The following IL1RAPL1 variants were observed in gnomAD, a reference collection of about 807,000 sequenced individuals.
The protein encoded by IL1RAPL1 is interleukin-1 receptor accessory protein-like 1.
A neutral mutation model predicts 48.4 loss-of-function variants in IL1RAPL1; 3 were observed. The ratio of observed to expected loss-of-function variants is 0.06; its 90% CI spans 0.03 to 0.16. IL1RAPL1 has a LOEUF of 0.16. Ranked by LOEUF, IL1RAPL1 falls within the 10% of genes least tolerant of loss-of-function variation. The pLI is 1.00. For synonymous variants in IL1RAPL1, 185 were observed against 187.7 expected (o/e 0.99, Z 0.12); for missense variants, 349 against 530.6 (o/e 0.66, Z 3.36).
intron 5 of IL1RAPL1, among the ~76,000 whole-genome samples, chrX:29,527,561 G>A (rs1189862884): frequency 9.2e-6 from 1 of 109,287 alleles, no homozygotes; most frequent in Non-Finnish European, 1.9e-5. Flanking sequence ...TCCTGACCTC[G>A]TGATCTGCCC....
At chrX:29,200,286 T>C (rs1342132545) in intron 2 of IL1RAPL1, among the ~76,000 whole-genome samples, 2 of 111,380 alleles carry the variant, frequency 1.8e-5, no homozygotes, top group East Asian at 5.6e-4. Context: ...ATTCAGAGGC[T>C]CTGCATAGCT....
chrX:29,850,738 TTTTA>T (rs1185333128), intron 6 of IL1RAPL1, among the ~76,000 whole-genome samples: 6 of 112,558 alleles, frequency 5.3e-5, no homozygotes, highest in Non-Finnish European at 9.4e-5. Context: ...TTCAGCCAGT[TTTTA>T]TTTTTCAGTC....
At chrX:29,094,081 C>T (rs2147458141) in intron 2 of IL1RAPL1, among the ~76,000 whole-genome samples, 1 of 111,927 alleles carries the variant, frequency 8.9e-6, no homozygotes, top group East Asian at 2.8e-4. Flanking sequence ...TTAATATTCC[C>T]TACCACCTCA....
chrX:29,921,294 C>T (rs939719309), intron 8 of IL1RAPL1, among the ~76,000 whole-genome samples: 18 of 112,205 alleles, frequency 1.6e-4, no homozygotes, highest in Non-Finnish European at 3.0e-4. Flanking sequence ...AAATTTACAA[C>T]GATTTTAATT....
At chrX:28,761,543 G>A (rs1266934195) in intron 1 of IL1RAPL1, among the ~76,000 whole-genome samples, 1 of 111,534 alleles carries the variant, frequency 9.0e-6, no homozygotes, top group African/African-American at 3.3e-5. Flanking sequence ...AAAACGTTGT[G>A]TATTTATAAA....
chrX:28,806,251 A>G (rs1410808337), intron 2 of IL1RAPL1, among the ~76,000 whole-genome samples: 1 of 112,124 alleles, frequency 8.9e-6, no homozygotes, highest in Non-Finnish European at 1.9e-5. Flanking sequence ...GTTATTGTGT[A>G]TAATCCCCTG....
At chrX:28,744,390 A>G (rs1335702629) in intron 1 of IL1RAPL1, among the ~76,000 whole-genome samples, 2 of 111,779 alleles carry the variant, frequency 1.8e-5, no homozygotes, top group African/African-American at 6.5e-5. Context: ...GGCAGACTGA[A>G]GCTCAGCGAC....
intron 5 of IL1RAPL1, among the ~76,000 whole-genome samples, chrX:29,420,431 A>G (rs1934277323): frequency 8.9e-6 from 1 of 112,336 alleles, no homozygotes; most frequent in African/African-American, 3.2e-5. Context: ...AGATCTCTGA[A>G]TGTTCAGTCT....
intron 2 of IL1RAPL1, among the ~76,000 whole-genome samples, chrX:28,861,165 TTA>T (rs1413983907): frequency 8.9e-6 from 1 of 111,756 alleles, no homozygotes. Context: ...AGACAGCCAC[TTA>T]TAGTATAAGT....
intron 1 of IL1RAPL1, among the ~76,000 whole-genome samples, chrX:28,607,646 GA>G (rs1338761461): frequency 9.0e-6 from 1 of 111,237 alleles, no homozygotes; most frequent in African/African-American, 3.3e-5. Context: ...ATTTTAGAAA[GA>G]ATCACTTTTT....
intron 6 of IL1RAPL1, among the ~76,000 whole-genome samples, chrX:29,858,914 T>A (rs1931526141): frequency 9.1e-6 from 1 of 109,635 alleles, no homozygotes; most frequent in African/African-American, 3.4e-5. Flanking sequence ...CACTCCTAAG[T>A]GGGTATTTTT....
chrX:29,172,757 A>T (rs1929934131), intron 2 of IL1RAPL1, among the ~76,000 whole-genome samples: 1 of 111,883 alleles, frequency 8.9e-6, no homozygotes, highest in Admixed American at 9.5e-5. Context: ...GTGTGATTAA[A>T]CATTGACAAG....
chrX:29,611,812 G>C lies in IL1RAPL1; in HGVS notation c.704-56618G>C, dbSNP rs1032764776. On this transcript the variant is annotated intron_variant, in intron 5 of 10. Coordinates refer to ENST00000378993, the MANE Select transcript of IL1RAPL1 (RefSeq NM_014271.4). The stretch of plus-strand genomic sequence containing the variant: ...GAGTGATGGAGGTGGCTCTCAGTGG[G>C]ATGGATGGGGAGCTCGAAAGGGTAT... 4.5e-5 allele frequency among the ~76,000 whole-genome samples: 5 copies of C among 110,802 alleles called. No individual in the cohort carries two copies. In the Admixed American group the frequency reaches 4.8e-4, roughly 11 times the overall value.
intron 2 of IL1RAPL1, among the ~76,000 whole-genome samples, chrX:28,976,960 G>A (rs1925221566): frequency 8.9e-6 from 1 of 112,349 alleles, no homozygotes; most frequent in Non-Finnish European, 1.9e-5. Flanking sequence ...TAGATATCAG[G>A]TAAGCAAATG....
intron 6 of IL1RAPL1, among the ~76,000 whole-genome samples, chrX:29,770,729 G>A (rs915423265): frequency 8.9e-6 from 1 of 112,124 alleles, no homozygotes; most frequent in African/African-American, 3.2e-5. Context: ...TATCCTACTA[G>A]CAACTTTAAA....
At chrX:29,628,366 T>C (rs942812598) in intron 5 of IL1RAPL1, among the ~76,000 whole-genome samples, 6 of 111,990 alleles carry the variant, frequency 5.4e-5, no homozygotes, top group African/African-American at 1.3e-4. Flanking sequence ...CAGGTAAGTA[T>C]TGGTGAATGC....
chrX:29,020,507 T>A (rs1926339136), intron 2 of IL1RAPL1, among the ~76,000 whole-genome samples: 1 of 112,483 alleles, frequency 8.9e-6, no homozygotes, highest in Non-Finnish European at 1.9e-5. Context: ...CTATGCCCTG[T>A]CGCATTGTGT....
At chrX:28,612,564 G>T (rs529020610) in intron 1 of IL1RAPL1, among the ~76,000 whole-genome samples, 1 of 111,958 alleles carries the variant, frequency 8.9e-6, no homozygotes, top group African/African-American at 3.3e-5. Flanking sequence ...CAGGAAACAG[G>T]TTTCTCTGCC....
At chrX:29,371,507 T>C (rs1933545496) in intron 3 of IL1RAPL1, among the ~76,000 whole-genome samples, 1 of 111,446 alleles carries the variant, frequency 9.0e-6, no homozygotes, top group African/African-American at 3.3e-5. Context: ...GTATATTGTG[T>C]GATGATAAGA....
Sources: allele counts gnomAD v4.1 joint callset (sites outside exome capture counted in the v4.1 genomes callset), GRCh38; gene constraint gnomAD v4.1.1; transcripts MANE v1.5; gene names NCBI Gene and HGNC (gene_info 2026-07-23, HGNC 2026-07-21).